Variants in MDM4 observed in about 807,000 individuals in gnomAD.
MDM4 encodes the protein MDM4 regulator of p53, also known as protein Mdm4.
Under a neutral mutation model 60.2 loss-of-function variants are expected in MDM4, and 2 were observed. The ratio of observed to expected loss-of-function variants is 0.03; its 90% CI spans 0.01 to 0.10. The LOEUF (loss-of-function observed/expected upper bound fraction) is 0.10, where lower values mean the gene tolerates loss of function less well. MDM4 is among the 10% of genes least tolerant of loss of function. The pLI is 1.00. For synonymous variants in MDM4, 202 were observed against 198.1 expected (o/e 1.02, Z -0.17); for missense variants, 447 against 577.5 (o/e 0.77, Z 2.32).
chr1:204,528,911 T>G (rs1208440762), intron 3 of MDM4: 27 of 1,593,918 alleles, frequency 1.7e-5, no homozygotes, highest in Non-Finnish European at 2.2e-5. Context: ...CTTGTACAGC[T>G]GTGTCCTTCT....
rs1558344584 is a variant in MDM4 at position 204,554,028 on chromosome 1, T to G, written c.*4346T>G. 1 of 226,714 alleles carries G rather than the reference T, an allele frequency of 4.4e-6. No individual in the cohort carries two copies. The highest frequency in any genetic ancestry group is 8.8e-6 in the Non-Finnish European group (1 of 114,006). 14.0% of individuals were successfully genotyped at this position (226,714 alleles called of 1,614,324 possible). On this transcript the variant is annotated 3_prime_UTR_variant, in exon 11 of 11. Transcript: ENST00000367182. ...TAATTATAATTTATGTATAGTTAGA[T>G]GTATGTAGTGCATTGTGTGGTATTA...
At chr1:204,538,515 C>T (rs1558326217) in intron 7 of MDM4, among the ~76,000 whole-genome samples, 1 of 152,156 alleles carries the variant, frequency 6.6e-6, no homozygotes, top group Non-Finnish European at 1.5e-5. Flanking sequence ...TAGGATGGTG[C>T]AAGACCCTTC....
At position 204,554,923 on chromosome 1, in the gene MDM4, A is replaced by T. The variant is rs1663437075; in HGVS notation, c.*5241A>T. The T allele has an allele frequency of 4.5e-6, 1 of 223,052 alleles. No individual in the cohort carries two copies. Among genetic ancestry groups the T allele is most frequent in the Admixed American group, 5.8e-5 (1 of 17,380 alleles). The allele number at this position is 223,052 out of a possible 1,614,324, so 13.8% of individuals were successfully genotyped here. ...GTTATTGGTGAATACAGCATAGTTA[A>T]ATAAACTGTTACAGTAAATCTACAC... On this transcript the variant is annotated 3_prime_UTR_variant, in exon 11 of 11. Coordinates refer to ENST00000367182, the MANE Select transcript of MDM4 (RefSeq NM_002393.5).
intron 1 of MDM4, among the ~76,000 whole-genome samples, chr1:204,522,477 A>G (rs1454967946): frequency 6.6e-6 from 1 of 150,888 alleles, no homozygotes; most frequent in East Asian, 2.0e-4. Context: ...GGCTCACTGC[A>G]ACCTCCGCTT....
At chr1:204,541,039 A>G (rs4252709) in intron 7 of MDM4, among the ~76,000 whole-genome samples, 256 of 152,332 alleles carry the variant, frequency 1.7e-3, no homozygotes, top group Non-Finnish European at 3.1e-3. Context: ...TGGTCTACCT[A>G]GTTACTTTGT....
At position 204,532,280 on chromosome 1, in the gene MDM4, C is replaced by T. The variant is rs779152978; in HGVS notation, c.343+34C>T. On this transcript the variant is annotated intron_variant, in intron 5 of 10. Transcript: ENST00000367182. ...CATCATATTTCTTCAGTCTGTATCA[C>T]AGCTTTGAGTTCAAGGGGGCAAATG... The T allele has an allele frequency of 3.4e-5, 47 of 1,398,452 alleles. No individual in the cohort carries two copies. In the South Asian group the frequency reaches 5.5e-4, roughly 16 times the overall value. 86.6% of individuals were successfully genotyped at this position (1,398,452 alleles called of 1,614,324 possible).
rs377005531 is a variant in MDM4, at chr1:204,528,215, A to G, written c.153+1781A>G. The stretch of plus-strand genomic sequence containing the variant: ...CACTGTCCCCTGGAGATGGAAGCCG[A>G]GCAGAGCGTGGCAGGCAAGTGAGGG... On this transcript the variant is annotated intron_variant, in intron 3 of 10. Transcript: ENST00000367182. Among the ~76,000 whole-genome samples the G allele has an allele frequency of 1.7e-4, 26 of 152,270 alleles. 1 individual carries two copies. The highest frequency in any genetic ancestry group is 6.3e-4 in the African/African-American group (26 of 41,548).
chr1:204,535,306 C>T (rs1245694512), intron 5 of MDM4, among the ~76,000 whole-genome samples: 11 of 151,564 alleles, frequency 7.3e-5, no homozygotes, highest in Admixed American at 4.6e-4. Flanking sequence ...TACAGGCGCC[C>T]GCCATCATGC....
At chr1:204,542,564 C>T (rs1212128197) in intron 7 of MDM4, among the ~76,000 whole-genome samples, 1 of 150,884 alleles carries the variant, frequency 6.6e-6, no homozygotes, top group Admixed American at 6.6e-5. Flanking sequence ...ACTTGATAAA[C>T]GATGATCTGT....
Position 204,538,262 on chromosome 1 carries a change from C to G in MDM4, c.465C>G (p.Ile155Met). The G allele has an allele frequency of 6.2e-7, 1 of 1,610,678 alleles. No homozygotes were observed. The highest frequency in any genetic ancestry group is 8.5e-7 in the Non-Finnish European group (1 of 1,176,840). The change falls in exon 7 of 11, where the codon ATC becomes ATG. Residue 155 changes from isoleucine to methionine, a missense_variant. Ile to Met is a conservative substitution (Grantham distance 10, BLOSUM62 1). Transcript: ENST00000367182. Reference protein sequence around the residue: ...TSRKRTTEDDIPTLPTSEHKC... With the variant: ...TSRKRTTEDDMPTLPTSEHKC... ...GAAAAAGAACTACAGAAGACGATAT[C>G]CCCACACTGCCTACCTCAGAGCATA... is the stretch of plus-strand genomic sequence containing the variant.
intron 4 of MDM4, 26 bp downstream of exon 4, chr1:204,530,843 C>A (rs752413051): frequency 1.2e-6 from 2 of 1,614,058 alleles, no homozygotes; most frequent in Admixed American, 3.3e-5. Flanking sequence ...GCTTGCGTAT[C>A]TTTTTGGGTG....
chr1:204,529,621 G>A, intron 3 of MDM4: 1 of 1,123,036 alleles, frequency 8.9e-7, no homozygotes, highest in South Asian at 1.6e-5. Flanking sequence ...GTCCAAGGTA[G>A]TAGCTACCCG....
intron 1 of MDM4, among the ~76,000 whole-genome samples, chr1:204,523,801 C>T (rs540923070): frequency 2.4e-4 from 37 of 152,232 alleles, no homozygotes; most frequent in African/African-American, 7.9e-4. Context: ...GTGCATCTCA[C>T]GGATGGAGCA....
In MDM4 at chr1:204,556,328, C is replaced by T; in HGVS notation, c.*6646C>T. 4.4e-6 allele frequency: 1 copy of T among 226,890 alleles called. No homozygotes were observed. The highest frequency in any genetic ancestry group is 6.3e-5 in the East Asian group (1 of 15,846). 14.1% of individuals were successfully genotyped at this position (226,890 alleles called of 1,614,324 possible). ...GCAGAGCTACTATCTAATAAAGTAA[C>T]AACTCGTAGTTGAGGCTTCCTTTCT... On this transcript the variant is annotated 3_prime_UTR_variant, in exon 11 of 11. Coordinates refer to ENST00000367182, the MANE Select transcript of MDM4 (RefSeq NM_002393.5).
chr1:204,532,455 C>T (rs181172187), intron 5 of MDM4: 14 of 567,600 alleles, frequency 2.5e-5, no homozygotes, highest in East Asian at 2.4e-4. Flanking sequence ...ACTTTCTAGA[C>T]GTACTGTTAA....
chr1:204,532,986 T>C (rs1037383711), intron 5 of MDM4, among the ~76,000 whole-genome samples: 5 of 152,240 alleles, frequency 3.3e-5, no homozygotes, highest in African/African-American at 1.2e-4. Flanking sequence ...TGCCTGTCTA[T>C]TTTAGTCAGT....
chr1:204,536,208 C>T (rs1395437170), intron 5 of MDM4, among the ~76,000 whole-genome samples: 1 of 152,144 alleles, frequency 6.6e-6, no homozygotes, highest in Non-Finnish European at 1.5e-5. Context: ...GCCGAGATTG[C>T]GCCACTGCTC....
Position 204,544,614 on chromosome 1 carries a change from T to A in MDM4, c.752T>A (p.Val251Asp), listed in dbSNP as rs1173438933. 8.1e-6 allele frequency: 13 copies of A among 1,613,896 alleles called. No homozygotes were observed. The highest frequency in any genetic ancestry group is 1.1e-5 in the Non-Finnish European group (13 of 1,179,874). Residue 251 changes from valine (V) to aspartate (D), a missense_variant, in exon 9 of 11, where the codon GTT becomes GAT. By Grantham distance (152) the Val-to-Asp change is radical. Transcript: ENST00000367182. ...LNESVSEQLG[V>D]GIKVEAADTE... ...GAGTCAGTATCAGAGCAGTTAGGTG[T>A]TGGAATAAAAGTTGAAGCTGCTGAT...
rs781318017 is a variant in MDM4 at position 204,549,726 on chromosome 1, A to G, written c.*44A>G. 3 of 1,097,218 alleles carry G rather than the reference A, an allele frequency of 2.7e-6. No individual in the cohort carries two copies. The highest frequency in any genetic ancestry group is 3.2e-5 in the African/African-American group (2 of 63,254). 68.0% of individuals were successfully genotyped at this position (1,097,218 alleles called of 1,614,324 possible). ...AATGCATTTATTCCGTTCACTTACC[A>G]CATTATTTGAAAATCAATCCTTTAT... is the stretch of plus-strand genomic sequence containing the variant. On this transcript the variant is annotated 3_prime_UTR_variant, in exon 11 of 11. Coordinates refer to ENST00000367182, the MANE Select transcript of MDM4 (RefSeq NM_002393.5).
Sources: allele counts gnomAD v4.1 joint callset (sites outside exome capture counted in the v4.1 genomes callset), GRCh38; gene constraint gnomAD v4.1.1; transcripts MANE v1.5; gene names NCBI Gene and HGNC (gene_info 2026-07-23, HGNC 2026-07-21).